UBE2K: variants seen among roughly 807,000 people sequenced by gnomAD.
UBE2K encodes ubiquitin conjugating enzyme E2 K, also known as ubiquitin-conjugating enzyme E2 K.
Under a neutral mutation model 30.0 loss-of-function variants are expected in UBE2K, and 6 were observed. That is an observed-to-expected ratio of 0.20 (90% CI 0.11 to 0.39). The LOEUF is 0.39. Among genes scored for constraint, UBE2K ranks in the 10% least tolerant of loss-of-function variants. The probability of loss-of-function intolerance (pLI) is 1.00; values close to 1 mark genes in which losing one functional copy is unlikely to be tolerated. For synonymous variants in UBE2K, 86 were observed against 83.7 expected (o/e 1.03, Z -0.15); for missense variants, 61 against 241.6 (o/e 0.25, Z 4.96).
chr4:39,773,329 A>C (rs1192685761), intron 4 of UBE2K, among the ~76,000 whole-genome samples: 1 of 151,632 alleles, frequency 6.6e-6, no homozygotes. Flanking sequence ...TTAGCCGGGC[A>C]TGGTGGCATG....
intron 1 of UBE2K, among the ~76,000 whole-genome samples, chr4:39,716,917 G>C (rs1237538942): frequency 6.8e-6 from 1 of 147,128 alleles, no homozygotes; most frequent in East Asian, 2.1e-4. Flanking sequence ...AGAATCACTT[G>C]AACCCGGGAG....
intron 1 of UBE2K, among the ~76,000 whole-genome samples, chr4:39,699,497 C>T (rs928507814): frequency 2.0e-5 from 3 of 152,136 alleles, no homozygotes; most frequent in African/African-American, 7.2e-5. Flanking sequence ...ATTCACAGTG[C>T]TCTAGTAATT....
chr4:39,740,617 C>T (rs1188183292), intron 2 of UBE2K, among the ~76,000 whole-genome samples: 2 of 151,494 alleles, frequency 1.3e-5, no homozygotes, highest in African/African-American at 2.4e-5. Flanking sequence ...AATCCCAGCA[C>T]TTTGGGAGGC....
chr4:39,720,000 A>G (rs1382159765), intron 1 of UBE2K, among the ~76,000 whole-genome samples: 2 of 152,220 alleles, frequency 1.3e-5, no homozygotes, highest in African/African-American at 4.8e-5. Flanking sequence ...GGCACTGTGA[A>G]TGTGAGTCAT....
chr4:39,718,684 A>C (rs950539237), intron 1 of UBE2K, among the ~76,000 whole-genome samples: 4 of 152,244 alleles, frequency 2.6e-5, no homozygotes, highest in African/African-American at 9.6e-5. Flanking sequence ...AATTGAGCGC[A>C]GCGCTGGTGG....
chr4:39,771,292 A>G, intron 4 of UBE2K: 1 of 1,611,924 alleles, frequency 6.2e-7, no homozygotes, highest in Admixed American at 1.7e-5. Flanking sequence ...GGCTAAGATG[A>G]CCTTGTGGCC....
chr4:39,770,770 G>T lies in UBE2K; in HGVS notation c.300-4064G>T, dbSNP rs1712745376. ...AGGCCCCCTCCCAGGCCTCCAGGGG[G>T]CTTGAGCCGGTGTGCGATGTCCAGG... On this transcript the variant is annotated intron_variant, in intron 4 of 6. Transcript: ENST00000261427. 6.3e-6 allele frequency: 10 copies of T among 1,582,394 alleles called. No individual in the cohort carries two copies. The South Asian group carries it at 9.3e-5, about 15-fold the overall frequency.
chr4:39,733,041 G>T (rs1560355187), intron 1 of UBE2K, among the ~76,000 whole-genome samples: 1 of 109,266 alleles, frequency 9.2e-6, no homozygotes, highest in Non-Finnish European at 1.8e-5. Context: ...AAGCCCCCAG[G>T]GAACATCAGG....
chr4:39,703,498 G>A (rs1718152477), intron 1 of UBE2K, among the ~76,000 whole-genome samples: 1 of 151,970 alleles, frequency 6.6e-6, no homozygotes, highest in South Asian at 2.1e-4. Flanking sequence ...GGGCATCAGC[G>A]AGACCCTGTC....
At chr4:39,755,777 T>A (rs772274129) in intron 4 of UBE2K, 38 bp downstream of exon 4, 22 of 1,428,292 alleles carry the variant, frequency 1.5e-5, no homozygotes, top group Non-Finnish European at 2.1e-5. Context: ...CCTTCTCATA[T>A]GAATACCAAG....
intron 4 of UBE2K, among the ~76,000 whole-genome samples, chr4:39,761,788 G>C (rs1384985009): frequency 2.0e-5 from 3 of 152,040 alleles, no homozygotes; most frequent in Non-Finnish European, 4.4e-5. Context: ...TCACATTACT[G>C]AATTTAGATT....
chr4:39,717,937 C>T (rs1719186109), intron 1 of UBE2K, among the ~76,000 whole-genome samples: 1 of 147,344 alleles, frequency 6.8e-6, no homozygotes, highest in Non-Finnish European at 1.5e-5. Context: ...TCGCTGGCTT[C>T]AGGAGTGAAG....
intron 6 of UBE2K, 75 bp downstream of exon 6, chr4:39,777,885 G>C (rs1477131135): frequency 3.8e-6 from 5 of 1,324,556 alleles, no homozygotes; most frequent in Non-Finnish European, 4.9e-6. Flanking sequence ...GCTGACAAAA[G>C]TGGTTTAGAA....
rs879284398 is a variant in UBE2K, at chr4:39,700,761, T to TTTTTGGGGTGGCC, written c.63+2373_63+2374insTTGGGGTGGCCTT. Among the ~76,000 whole-genome samples, 457 of 152,292 alleles carry TTTTTGGGGTGGCC rather than the reference T, an allele frequency of 3.0e-3. 2 individuals carry two copies. The highest frequency in any genetic ancestry group is 5.5e-3 in the Non-Finnish European group (374 of 68,010). ...TGTGTTTACTAAGAACACTGGTTGATTTAAGGACTTTTTGGGGTGGCCTTA... is the reference window on the plus strand; with the variant it reads ...TGTGTTTACTAAGAACACTGGTTGATTTTTGGGGTGGCCTTAAGGACTTTTTGGGGTGGCCTTA... On this transcript the variant is annotated intron_variant, in intron 1 of 6. Transcript: ENST00000261427.
Position 39,781,818 on chromosome 4 carries a change from A to G in UBE2K, c.*3384A>G, listed in dbSNP as rs1713629292. 5.0e-6 allele frequency: 2 copies of G among 397,098 alleles called. No homozygotes were observed. Among genetic ancestry groups the G allele is most frequent in the East Asian group, 3.6e-5 (1 of 28,004 alleles). The allele number at this position is 397,098 out of a possible 1,614,324, so 24.6% of individuals were successfully genotyped here. ...TTCTAGTTCAAGGAATTTCAATTCCAGGGTACAAACCATTGATTTAAAAAT... is the reference window on the plus strand; with the variant it reads ...TTCTAGTTCAAGGAATTTCAATTCCGGGGTACAAACCATTGATTTAAAAAT... On this transcript the variant is annotated 3_prime_UTR_variant, in exon 7 of 7. Transcript: ENST00000261427.
chr4:39,774,829 T>G lies in UBE2K; in HGVS notation c.300-5T>G. 8 of 1,481,386 alleles carry G rather than the reference T, an allele frequency of 5.4e-6. No individual in the cohort carries two copies. The highest frequency in any genetic ancestry group is 7.3e-6 in the Non-Finnish European group (8 of 1,101,928). 91.8% of individuals were successfully genotyped at this position (1,481,386 alleles called of 1,614,324 possible). On this transcript the variant is annotated splice_polypyrimidine_tract_variant and splice_region_variant and intron_variant, in intron 4 of 6. Transcript: ENST00000261427. ...ATTGGGATATTTTCATGTTTTGCAT[T>G]TTAGGGCAGCTGCAATGACTCTCCG... is the stretch of plus-strand genomic sequence containing the variant.
At chr4:39,705,086 A>G (rs1335205495) in intron 1 of UBE2K, among the ~76,000 whole-genome samples, 1 of 147,150 alleles carries the variant, frequency 6.8e-6, no homozygotes, top group Non-Finnish European at 1.5e-5. Context: ...TTTAGTAGAG[A>G]CGGGTTTTTA....
At chr4:39,714,521 TA>T (rs1718901227) in intron 1 of UBE2K, 1 of 37,282 alleles carries the variant, frequency 2.7e-5, no homozygotes, top group Non-Finnish European at 3.9e-5. Context: ...AAGTTTCATA[TA>T]TATATATATA....
At position 39,698,318 on chromosome 4, in the gene UBE2K, G is replaced by A. The variant is rs373952003; in HGVS notation, c.-10G>A. 5.6e-6 allele frequency: 9 copies of A among 1,610,898 alleles called. No individual in the cohort carries two copies. The highest frequency in any genetic ancestry group is 6.8e-6 in the Non-Finnish European group (8 of 1,178,864). ...GAGGAGGCGGGTACGAATCAGCTGC[G>A]GGCGGAGACATGGCCAACATCGCGG... On this transcript the variant is annotated 5_prime_UTR_variant, in exon 1 of 7. Coordinates refer to ENST00000261427, the MANE Select transcript of UBE2K (RefSeq NM_005339.5).
Sources: allele counts gnomAD v4.1 joint callset (sites outside exome capture counted in the v4.1 genomes callset), GRCh38; gene constraint gnomAD v4.1.1; transcripts MANE v1.5; gene names NCBI Gene and HGNC (gene_info 2026-07-23, HGNC 2026-07-21).